PCDH15: variants seen among roughly 807,000 people sequenced by gnomAD.
PCDH15 encodes the protein protocadherin-15.
A neutral mutation model predicts 178.5 loss-of-function variants in PCDH15; 129 were observed. The observed-to-expected ratio is 0.72, with a 90% confidence interval of 0.63 to 0.84. PCDH15 has a LOEUF of 0.84. Among genes scored for constraint, PCDH15 ranks in the 40% least tolerant of loss-of-function variants. The pLI is 0.00. For synonymous variants in PCDH15, 800 were observed against 732.0 expected (o/e 1.09, Z -1.50); for missense variants, 2,230 against 2,099.9 (o/e 1.06, Z -1.21).
At chr10:54,508,076 A>G (rs533828252) in intron 3 of PCDH15, among the ~76,000 whole-genome samples, 1 of 152,158 alleles carries the variant, frequency 6.6e-6, no homozygotes, top group East Asian at 1.9e-4. Flanking sequence ...AGTTAGAAAA[A>G]TTAAGAATCA....
At chr10:54,629,546 C>T (rs765720993) in intron 2 of PCDH15, among the ~76,000 whole-genome samples, 24 of 152,068 alleles carry the variant, frequency 1.6e-4, no homozygotes, top group Non-Finnish European at 4.4e-5. Context: ...AATTCGACAT[C>T]TCTTTATGAT....
chr10:54,917,751 T>C (rs773220890), intron 2 of PCDH15, among the ~76,000 whole-genome samples: 1 of 152,182 alleles, frequency 6.6e-6, no homozygotes, highest in Non-Finnish European at 1.5e-5. Context: ...AAGTTCCTTT[T>C]GGATACCATA....
chr10:54,023,026 G>A lies in PCDH15; in HGVS notation c.2392C>T (p.Pro798Ser). Reference sequence around the variant, plus strand: ...GCCAAGGTTAGAGTTGAATGACGAGGGTGTACTGCTCCATCTGTTGCCACA... The same window carrying A: ...GCCAAGGTTAGAGTTGAATGACGAGAGTGTACTGCTCCATCTGTTGCCACA... ...VVVATDGAVH[P>S]RHSTLTLAIK... The change falls in exon 19 of 38, where the codon CCT becomes TCT. Residue 798 changes from proline to serine, a missense_variant. By Grantham distance (74) the Pro-to-Ser change is moderately conservative (BLOSUM62 -1). Coordinates refer to ENST00000644397, the MANE Select transcript of PCDH15 (RefSeq NM_001384140.1). 1 of 1,613,890 alleles carries A rather than the reference G, an allele frequency of 6.2e-7. No individual in the cohort carries two copies.
intron 2 of PCDH15, among the ~76,000 whole-genome samples, chr10:55,349,876 G>A (rs568986408): frequency 6.6e-6 from 1 of 152,096 alleles, no homozygotes; most frequent in Admixed American, 6.6e-5. Flanking sequence ...ATAAGTTGAA[G>A]AGTTTAACTC....
chr10:55,085,966 G>A (rs1369326402), intron 2 of PCDH15, among the ~76,000 whole-genome samples: 1 of 151,508 alleles, frequency 6.6e-6, no homozygotes, highest in African/African-American at 2.4e-5. Context: ...CTATCAAGGA[G>A]TATGAATGTT....
chr10:53,996,741 C>A (rs2091868942), intron 20 of PCDH15, among the ~76,000 whole-genome samples: 1 of 152,174 alleles, frequency 6.6e-6, no homozygotes, highest in Non-Finnish European at 1.5e-5. Context: ...AATGCTTATT[C>A]ATATGGCAGA....
At chr10:54,687,954 C>CTT (rs2095044192) in intron 1 of PCDH15, among the ~76,000 whole-genome samples, 2 of 152,000 alleles carry the variant, frequency 1.3e-5, no homozygotes, top group African/African-American at 4.8e-5. Flanking sequence ...CCCTAGAGAT[C>CTT]TGCCAAACAA....
chr10:54,078,668 A>G (rs2094385469), intron 17 of PCDH15, among the ~76,000 whole-genome samples: 1 of 152,126 alleles, frequency 6.6e-6, no homozygotes, highest in East Asian at 1.9e-4. Flanking sequence ...ATTACAATAC[A>G]TAGAAAGCGG....
intron 2 of PCDH15, among the ~76,000 whole-genome samples, chr10:55,364,567 C>A (rs1845307240): frequency 6.6e-6 from 1 of 151,874 alleles, no homozygotes; most frequent in Admixed American, 6.6e-5. Context: ...TTTGGATTTC[C>A]CTTGTTTGGT....
Position 53,804,334 on chromosome 10 carries a change from G to C in PCDH15, c.*2245C>G, listed in dbSNP as rs1002038513. The C allele has an allele frequency of 3.3e-5, 5 of 151,886 alleles. No individual in the cohort carries two copies. Among genetic ancestry groups the C allele is most frequent in the Non-Finnish European group, 7.4e-5 (5 of 67,902 alleles). 9.4% of individuals were successfully genotyped at this position (151,886 alleles called of 1,614,324 possible). A position where few individuals can be genotyped will look rare whatever the true frequency, so the allele number is the denominator to read the frequency against. The stretch of plus-strand genomic sequence containing the variant: ...AATACAGTGACATCTCATATGTCAG[G>C]CCACTAGACTTCTGCCAACATCATA... On this transcript the variant is annotated 3_prime_UTR_variant, in exon 38 of 38. Transcript: ENST00000644397.
chr10:54,066,751 A>C lies in PCDH15; in HGVS notation c.2220+6T>G. On this transcript the variant is annotated splice_donor_region_variant and intron_variant, in intron 18 of 37. Transcript: ENST00000644397. ...CATATAAGATCTATATAAATATTCC[A>C]CTTACTTTTACTTGACCCACAAAGG... 6.2e-7 allele frequency: 1 copy of C among 1,612,416 alleles called. No homozygotes were observed. Among genetic ancestry groups the C allele is most frequent in the Non-Finnish European group, 8.5e-7 (1 of 1,178,834 alleles).
rs1491117307 is a variant in PCDH15, at chr10:53,888,336, G to GTA, written c.3501+14905_3501+14906dup. 1.1e-3 allele frequency among the ~76,000 whole-genome samples: 71 copies of GTA among 65,728 alleles called. 7 individuals carry two copies. In the South Asian group the frequency reaches 0.016, roughly 15 times the overall value. 43.1% of individuals were successfully genotyped at this position (65,728 alleles called of 152,430 possible). On this transcript the variant is annotated intron_variant, in intron 26 of 37. Transcript: ENST00000644397. ...TATATATGTACGTATATATATGTAC[G>GTA]TATATATATATACGTATATATACAT...
intron 2 of PCDH15, among the ~76,000 whole-genome samples, chr10:55,146,800 A>G (rs1455063735): frequency 2.6e-5 from 4 of 151,842 alleles, no homozygotes; most frequent in African/African-American, 9.7e-5. Context: ...TTATTGACTA[A>G]AAAACTACAA....
chr10:55,199,753 C>T (rs1840191898), intron 1 of PCDH15, among the ~76,000 whole-genome samples: 1 of 152,030 alleles, frequency 6.6e-6, no homozygotes, highest in Admixed American at 6.5e-5. Context: ...GACATAGCAC[C>T]CTGCATCCCA....
At chr10:54,939,216 C>T (rs1189647710) in intron 2 of PCDH15, among the ~76,000 whole-genome samples, 3 of 151,758 alleles carry the variant, frequency 2.0e-5, no homozygotes, top group Admixed American at 1.3e-4. Context: ...TGATGTAGGC[C>T]GGGCGTGGTG....
intron 2 of PCDH15, among the ~76,000 whole-genome samples, chr10:55,414,941 G>T (rs954841478): frequency 4.6e-5 from 7 of 151,470 alleles, no homozygotes. Flanking sequence ...AATTGTTCTT[G>T]CTAGTATCTA....
chr10:55,358,891 T>C (rs1845146584), intron 2 of PCDH15, among the ~76,000 whole-genome samples: 1 of 152,126 alleles, frequency 6.6e-6, no homozygotes, highest in Non-Finnish European at 1.5e-5. Context: ...CAACATATAA[T>C]TATTTAAAAT....
intron 1 of PCDH15, among the ~76,000 whole-genome samples, chr10:54,777,234 TC>T (rs1949808213): frequency 6.6e-6 from 1 of 152,168 alleles, no homozygotes; most frequent in Non-Finnish European, 1.5e-5. Context: ...TACAATACTA[TC>T]TATTTCACTC....
At chr10:55,320,593 A>C (rs1843865244), upstream of PCDH15, among the ~76,000 whole-genome samples, 1 of 152,178 alleles carries the variant, frequency 6.6e-6, no homozygotes, top group Non-Finnish European at 1.5e-5. Flanking sequence ...CTTCCAGTGC[A>C]GCAAGCTTCT....
Sources: allele counts gnomAD v4.1 joint callset (sites outside exome capture counted in the v4.1 genomes callset), GRCh38; gene constraint gnomAD v4.1.1; transcripts MANE v1.5; gene names NCBI Gene and HGNC (gene_info 2026-07-23, HGNC 2026-07-21).